Variants in MYH11 observed in about 807,000 individuals in gnomAD.
The protein encoded by MYH11 is myosin heavy chain 11, also known as myosin-11.
In MYH11, 80 loss-of-function variants were observed where a neutral mutation model predicts 246.6. The observed-to-expected ratio is 0.32, with a 90% confidence interval of 0.27 to 0.39. The LOEUF (loss-of-function observed/expected upper bound fraction) is 0.39, where lower values mean the gene tolerates loss of function less well. MYH11 is among the 10% of genes least tolerant of loss of function. The pLI, the probability that MYH11 is intolerant of heterozygous loss-of-function variation, is 1.00. For synonymous variants in MYH11, 1,071 were observed against 1,015.5 expected, an observed-to-expected ratio of 1.05 and a Z score of -1.04; for missense variants, 2,158 against 2,546.8, an observed-to-expected ratio of 0.85 and a Z score of 3.29.
intron 23 of MYH11, 46 bp from the exon 24 acceptor site, chr16:15,738,734 T>C (rs775715595): frequency 8.7e-6 from 14 of 1,603,528 alleles, no homozygotes; most frequent in African/African-American, 1.3e-5. Context: ...TTTTCTTTTC[T>C]CTAGAATCTA....
At chr16:15,816,448 GAA>G (rs1196050187) in intron 3 of MYH11, among the ~76,000 whole-genome samples, 1 of 152,032 alleles carries the variant, frequency 6.6e-6, no homozygotes, top group African/African-American at 2.4e-5. Context: ...CCAGGAAAAA[GAA>G]AAGTCATACA....
At chr16:15,803,577 A>G (rs2042939732) in intron 3 of MYH11, among the ~76,000 whole-genome samples, 1 of 152,186 alleles carries the variant, frequency 6.6e-6, no homozygotes, top group Non-Finnish European at 1.5e-5. Context: ...GGTGAAGGAT[A>G]GAAGAACCAG....
chr16:15,723,907 T>C (rs2040611155), intron 31 of MYH11, among the ~76,000 whole-genome samples: 1 of 152,218 alleles, frequency 6.6e-6, no homozygotes, highest in African/African-American at 2.4e-5. Flanking sequence ...GGCATCACCA[T>C]GTGTGCAGGT....
intron 19 of MYH11, among the ~76,000 whole-genome samples, chr16:15,745,605 G>C (rs1291508728): frequency 3.7e-5 from 2 of 54,234 alleles, no homozygotes; most frequent in Non-Finnish European, 7.4e-5. Context: ...TTTTTTTTTT[G>C]AGATAGAGTT....
At chr16:15,782,225 T>C (rs984339635) in intron 6 of MYH11, among the ~76,000 whole-genome samples, 160 bp downstream of exon 6, 1 of 152,072 alleles carries the variant, frequency 6.6e-6, no homozygotes, top group African/African-American at 2.4e-5. Context: ...AATGAATGAA[T>C]GAGAGAGTGA....
chr16:15,741,359 A>G (rs540854774), intron 22 of MYH11, 104 bp downstream of exon 22: 1 of 1,294,298 alleles, frequency 7.7e-7, no homozygotes, highest in Non-Finnish European at 1.1e-6. Context: ...CCGTCTCATC[A>G]TCTGTCCCAG....
At chr16:15,832,251 G>C (rs942194436) in intron 2 of MYH11, among the ~76,000 whole-genome samples, 2 of 152,144 alleles carry the variant, frequency 1.3e-5, no homozygotes, top group African/African-American at 4.8e-5. Flanking sequence ...ATGGTTCAGG[G>C]ACTTGGGCTT....
At chr16:15,721,123 G>A in intron 32 of MYH11, 72 bp from the exon 33 acceptor site, 7 of 1,536,534 alleles carry the variant, frequency 4.6e-6, no homozygotes, top group Non-Finnish European at 5.4e-6. Flanking sequence ...CCCACCGTGA[G>A]CGGCACCTCA....
At position 15,837,538 on chromosome 16, in the gene MYH11, C is replaced by CTTTT. The variant is rs11371178; in HGVS notation, c.345+366_345+369dup. Among the ~76,000 whole-genome samples, 217 of 137,240 alleles carry CTTTT rather than the reference C, an allele frequency of 1.6e-3. 6 individuals are homozygous for CTTTT. Among genetic ancestry groups the CTTTT allele is most frequent in the South Asian group, 5.1e-3 (22 of 4,330 alleles). The allele number at this position is 137,240 out of a possible 152,430, so 90.0% of individuals were successfully genotyped here. A position where few individuals can be genotyped will look rare whatever the true frequency, so the allele number is the denominator to read the frequency against. The stretch of plus-strand genomic sequence containing the variant: ...GATCAAACCTTCAGCCTCCCATTTC[C>CTTTT]TTTTTTTTTTTTTTTGAGACAGAGT... On this transcript the variant is annotated intron_variant, in intron 2 of 40. Coordinates refer to ENST00000300036, the MANE Select transcript of MYH11 (RefSeq NM_002474.3).
intron 40 of MYH11, chr16:15,708,968 A>G: frequency 9.8e-7 from 1 of 1,019,760 alleles, no homozygotes. Context: ...TTTTATTTTG[A>G]GATAGTCTCT....
At chr16:15,764,494 C>T (rs1360374659) in intron 9 of MYH11, among the ~76,000 whole-genome samples, 2 of 151,990 alleles carry the variant, frequency 1.3e-5, no homozygotes, top group African/African-American at 4.8e-5. Flanking sequence ...AAAAAAAAAC[C>T]CTGACATATC....
chr16:15,773,780 G>C (rs1471836942), intron 8 of MYH11, among the ~76,000 whole-genome samples: 1 of 152,116 alleles, frequency 6.6e-6, no homozygotes, highest in Non-Finnish European at 1.5e-5. Flanking sequence ...GGTCCTTAAA[G>C]TCTAAAACGT....
rs553444776 is a variant in MYH11 at position 15,757,758 on chromosome 16, G to A, written c.1575+69C>T. 1.4e-4 allele frequency: 226 copies of A among 1,598,682 alleles called. 5 individuals carry two copies. Among genetic ancestry groups the A allele is most frequent in the South Asian group, 1.2e-3 (113 of 90,428 alleles). Reference sequence around the variant, plus strand: ...TGCATGGGGAGAGTGTGGGGTCCACGTCGGCTCCACAGAGGCCACACACGT... The same window carrying A: ...TGCATGGGGAGAGTGTGGGGTCCACATCGGCTCCACAGAGGCCACACACGT... On this transcript the variant is annotated intron_variant, in intron 13 of 40. Transcript: ENST00000300036.
At chr16:15,818,469 GT>G (rs1469988413) in intron 3 of MYH11, among the ~76,000 whole-genome samples, 2 of 151,998 alleles carry the variant, frequency 1.3e-5, no homozygotes, top group African/African-American at 4.8e-5. Context: ...GTCTCGCTTT[GT>G]TGCCCAGGCT....
intron 7 of MYH11, 94 bp downstream of exon 7, chr16:15,778,686 A>G: frequency 1.7e-6 from 2 of 1,208,266 alleles, no homozygotes; most frequent in South Asian, 2.4e-5. Flanking sequence ...GAGGCTGGAA[A>G]GATAGAGGTG....
intron 2 of MYH11, among the ~76,000 whole-genome samples, chr16:15,828,682 A>G (rs2043638017): frequency 6.6e-6 from 1 of 151,568 alleles, no homozygotes; most frequent in South Asian, 2.1e-4. Flanking sequence ...AATCCCAGCT[A>G]GTCGGGAGGC....
chr16:15,728,567 C>G (rs914447190), intron 27 of MYH11, among the ~76,000 whole-genome samples: 2 of 151,924 alleles, frequency 1.3e-5, no homozygotes, highest in Non-Finnish European at 2.9e-5. Context: ...TTTATGGAAC[C>G]AGCTCCTGTA....
chr16:15,810,934 T>G (rs2043123969), intron 3 of MYH11, among the ~76,000 whole-genome samples: 1 of 152,184 alleles, frequency 6.6e-6, no homozygotes, highest in Non-Finnish European at 1.5e-5. Context: ...GACAGGATAT[T>G]CAACCAAAGA....
chr16:15,757,052 C>G (rs1339596307), intron 13 of MYH11, among the ~76,000 whole-genome samples: 1 of 152,106 alleles, frequency 6.6e-6, no homozygotes, highest in South Asian at 2.1e-4. Flanking sequence ...CCCGCCTCGG[C>G]CTCCCAAAGT....
Sources: gnomAD v4.1 joint callset for allele counts (sites outside exome capture counted in the v4.1 genomes callset) on GRCh38, gnomAD v4.1.1 for gene constraint, MANE v1.5 for transcripts, NCBI Gene and HGNC (gene_info 2026-07-23, HGNC 2026-07-21) for gene names.